TNFRSF11B: variants seen among roughly 807,000 people sequenced by gnomAD.
TNFRSF11B encodes tumor necrosis factor receptor superfamily member 11B.
In TNFRSF11B, 16 loss-of-function variants were observed where a neutral mutation model predicts 43.4. That is an observed-to-expected ratio of 0.37 (90% CI 0.25 to 0.56). The LOEUF (loss-of-function observed/expected upper bound fraction) is 0.56, where lower values mean the gene tolerates loss of function less well. TNFRSF11B is among the 20% of genes least tolerant of loss of function. The probability of loss-of-function intolerance (pLI) is 0.80; values close to 1 mark genes in which losing one functional copy is unlikely to be tolerated. For synonymous variants in TNFRSF11B, 185 were observed against 181.8 expected (o/e 1.02, Z -0.14); for missense variants, 444 against 490.1 (o/e 0.91, Z 0.89).
intron 1 of TNFRSF11B, among the ~76,000 whole-genome samples, chr8:118,945,018 T>G (rs959728440): frequency 1.3e-5 from 2 of 151,652 alleles, no homozygotes; most frequent in African/African-American, 2.4e-5. Flanking sequence ...AGAAAATCTT[T>G]TTTGGCTTAA....
At chr8:118,937,542 A>G (rs1233334971) in intron 1 of TNFRSF11B, among the ~76,000 whole-genome samples, 1 of 152,246 alleles carries the variant, frequency 6.6e-6, no homozygotes, top group Non-Finnish European at 1.5e-5. Flanking sequence ...TGTTTATGCT[A>G]CTTGTAACTA....
At chr8:118,951,343 T>C (rs1812641441) in intron 1 of TNFRSF11B, among the ~76,000 whole-genome samples, 1 of 152,200 alleles carries the variant, frequency 6.6e-6, no homozygotes, top group African/African-American at 2.4e-5. Context: ...ATTCTAATTA[T>C]AATGGTTTTA....
chr8:118,946,292 G>A (rs1166460880), intron 1 of TNFRSF11B, among the ~76,000 whole-genome samples: 2 of 152,048 alleles, frequency 1.3e-5, no homozygotes, highest in Non-Finnish European at 2.9e-5. Flanking sequence ...AGAGAGGCCA[G>A]GTAAATGTGA....
chr8:118,951,776 T>C lies in TNFRSF11B; in HGVS notation c.30+16A>G, dbSNP rs764547050. On this transcript the variant is annotated intron_variant, in intron 1 of 4. Coordinates refer to ENST00000297350, the MANE Select transcript of TNFRSF11B (RefSeq NM_002546.4). ...CCCCAGGCGCCGGGCACCCGTCGGC[T>C]GGCCCAGGGACTTACCACGAGCGCG... The C allele has an allele frequency of 5.2e-5, 82 of 1,586,156 alleles. No homozygotes were observed. Among genetic ancestry groups the C allele is most frequent in the Non-Finnish European group, 1.3e-5 (15 of 1,166,382 alleles).
At chr8:118,927,164 A>G (rs925945928) in intron 3 of TNFRSF11B, among the ~76,000 whole-genome samples, 2 of 152,230 alleles carry the variant, frequency 1.3e-5, no homozygotes, top group African/African-American at 4.8e-5. Flanking sequence ...ACATTTAGAC[A>G]CATAGTTTAC....
intron 1 of TNFRSF11B, among the ~76,000 whole-genome samples, chr8:118,946,599 GTTTTC>G (rs1347708759): frequency 6.6e-6 from 1 of 151,902 alleles, no homozygotes; most frequent in African/African-American, 2.4e-5. Context: ...TTTGATTTTT[GTTTTC>G]TTTTCTAAAC....
intron 2 of TNFRSF11B, among the ~76,000 whole-genome samples, chr8:118,929,631 T>C (rs1236220686): frequency 6.6e-6 from 1 of 152,118 alleles, no homozygotes; most frequent in Non-Finnish European, 1.5e-5. Flanking sequence ...TTTTACTTCA[T>C]GATGGAAAAA....
At chr8:118,926,136 A>G (rs904074500) in intron 4 of TNFRSF11B, among the ~76,000 whole-genome samples, 1 of 152,232 alleles carries the variant, frequency 6.6e-6, no homozygotes, top group African/African-American at 2.4e-5. Flanking sequence ...AATGTAAGAT[A>G]CAAAGTGGTT....
rs1812219866 is a variant in TNFRSF11B at position 118,924,342 on chromosome 8, T to C, written c.*32A>G. The C allele has an allele frequency of 6.2e-7, 1 of 1,612,368 alleles. No individual in the cohort carries two copies. The highest frequency in any genetic ancestry group is 1.1e-5 in the South Asian group (1 of 90,836). On this transcript the variant is annotated 3_prime_UTR_variant, in exon 5 of 5. Coordinates refer to ENST00000297350, the MANE Select transcript of TNFRSF11B (RefSeq NM_002546.4). The stretch of plus-strand genomic sequence containing the variant: ...TTACTCATCCATGGGATCTCGCCAA[T>C]TGTGAGGAAACAGCTCAATGGCCAT...
chr8:118,929,453 T>G (rs1812294614), intron 2 of TNFRSF11B, among the ~76,000 whole-genome samples: 1 of 152,202 alleles, frequency 6.6e-6, no homozygotes. Context: ...AAGTAAAAAT[T>G]TACAACATTA....
intron 1 of TNFRSF11B, 112 bp downstream of exon 1, chr8:118,951,680 T>G: frequency 9.3e-7 from 1 of 1,076,406 alleles, no homozygotes; most frequent in Non-Finnish European, 1.4e-6. Flanking sequence ...AAGCCTCTCC[T>G]GGGAGGGAGC....
chr8:118,938,485 A>C (rs2129907523), intron 1 of TNFRSF11B, among the ~76,000 whole-genome samples: 1 of 152,346 alleles, frequency 6.6e-6, no homozygotes, highest in Non-Finnish European at 1.5e-5. Context: ...ACAGAATTCA[A>C]ACTTAGAGCA....
rs765716092 is a variant in TNFRSF11B at position 118,928,718 on chromosome 8, G to A, written c.592+20C>T. 63 of 1,611,118 alleles carry A rather than the reference G, an allele frequency of 3.9e-5. 1 individual carries two copies. Among genetic ancestry groups the A allele is most frequent in the Non-Finnish European group, 5.0e-5 (59 of 1,177,422 alleles). On this transcript the variant is annotated intron_variant, in intron 3 of 4. Transcript: ENST00000297350. The stretch of plus-strand genomic sequence containing the variant: ...TGATACTACAAAATCGTACAAAGAC[G>A]TATTTTGGAATGTAATTACCTATTC...
At chr8:118,931,964 G>A (rs1586955364) in intron 2 of TNFRSF11B, among the ~76,000 whole-genome samples, 1 of 152,250 alleles carries the variant, frequency 6.6e-6, no homozygotes, top group Admixed American at 6.5e-5. Context: ...CTAGTGGCTA[G>A]AGTCCAGGGG....
chr8:118,946,347 A>G (rs1231099773), intron 1 of TNFRSF11B, among the ~76,000 whole-genome samples: 1 of 152,160 alleles, frequency 6.6e-6, no homozygotes, highest in Non-Finnish European at 1.5e-5. Context: ...GTGTTGTAAC[A>G]CTATTCTTAT....
At chr8:118,928,716 A>T (rs1410548056) in intron 3 of TNFRSF11B, 22 bp downstream of exon 3, 4 of 1,611,080 alleles carry the variant, frequency 2.5e-6, no homozygotes, top group Non-Finnish European at 3.4e-6. Flanking sequence ...TCGTACAAAG[A>T]CGTATTTTGG....
intron 1 of TNFRSF11B, among the ~76,000 whole-genome samples, chr8:118,946,767 A>AT (rs1287323890): frequency 6.6e-6 from 1 of 152,070 alleles, no homozygotes; most frequent in East Asian, 1.9e-4. Context: ...GTTGAGACAC[A>AT]TTTTTTAAAA....
intron 2 of TNFRSF11B, among the ~76,000 whole-genome samples, chr8:118,929,800 G>A (rs892858710): frequency 1.3e-5 from 2 of 152,202 alleles, no homozygotes; most frequent in African/African-American, 4.8e-5. Context: ...TCCATCTAGT[G>A]TAAGCTAGTT....
chr8:118,939,129 T>C (rs1470083695), intron 1 of TNFRSF11B, among the ~76,000 whole-genome samples: 1 of 152,338 alleles, frequency 6.6e-6, no homozygotes, highest in Non-Finnish European at 1.5e-5. Flanking sequence ...CCAGGATATA[T>C]ACTATGGTGA....
Sources: allele counts gnomAD v4.1 joint callset (sites outside exome capture counted in the v4.1 genomes callset), GRCh38; gene constraint gnomAD v4.1.1; transcripts MANE v1.5; gene names NCBI Gene and HGNC (gene_info 2026-07-23, HGNC 2026-07-21).